ANKRD36C: variants seen among roughly 807,000 people sequenced by gnomAD.
ANKRD36C encodes ankyrin repeat domain 36C.
Under a neutral mutation model 276.4 loss-of-function variants are expected in ANKRD36C, and 61 were observed. The ratio of observed to expected loss-of-function variants is 0.22; its 90% CI spans 0.18 to 0.27. The LOEUF (loss-of-function observed/expected upper bound fraction) is 0.27. Among genes scored for constraint, ANKRD36C ranks in the 10% least tolerant of loss-of-function variants. ANKRD36C has a pLI of 1.00. For missense variants in ANKRD36C, 1,447 were observed against 2,032.3 expected, an observed-to-expected ratio of 0.71 and a Z score of 5.54; for synonymous variants, 483 against 680.1, an observed-to-expected ratio of 0.71 and a Z score of 4.51.
intron 6 of ANKRD36C, among the ~76,000 whole-genome samples, chr2:95,963,580 A>C (rs1469200091): frequency 7.5e-6 from 1 of 133,676 alleles, no homozygotes; most frequent in Non-Finnish European, 1.6e-5. Context: ...AAAGAGAAGT[A>C]ACGAGTCACT....
exon 63 of ANKRD36C, chr2:95,855,941 C>A: frequency 1.2e-6 from 2 of 1,613,388 alleles, no homozygotes; most frequent in East Asian, 2.2e-5. Flanking sequence ...TGTTTTCATC[C>A]GTCAGAGCAG....
intron 1 of ANKRD36C, among the ~76,000 whole-genome samples, chr2:95,988,417 T>C (rs1679076017): frequency 6.6e-6 from 1 of 150,680 alleles, no homozygotes; most frequent in Non-Finnish European, 1.5e-5. Context: ...AAAAAAGGAA[T>C]AAAAGATCCA....
intron 60 of ANKRD36C, among the ~76,000 whole-genome samples, chr2:95,866,581 T>C (rs1675686917): frequency 6.6e-6 from 1 of 151,922 alleles, no homozygotes. Context: ...CATAAGAATA[T>C]ACATAATACA....
At chr2:95,954,634 A>G (rs1305030101) in intron 13 of ANKRD36C, among the ~76,000 whole-genome samples, 1 of 152,126 alleles carries the variant, frequency 6.6e-6, no homozygotes, top group South Asian at 2.1e-4. Flanking sequence ...ATATGTTGTT[A>G]GATTGTTATT....
intron 12 of ANKRD36C, 51 bp downstream of exon 12, chr2:95,958,540 T>C: frequency 6.5e-7 from 1 of 1,537,470 alleles, no homozygotes; most frequent in Non-Finnish European, 8.7e-7. Context: ...GGAAGGGAAG[T>C]TCTCCTCTAT....
Position 95,939,115 on chromosome 2 carries a change from C to A in ANKRD36C, c.1532-100G>T, listed in dbSNP as rs1677803645. On this transcript the variant is annotated intron_variant, in intron 20 of 66. Transcript: ENST00000456556. Reference sequence around the variant, plus strand: ...TATCCAGCTGAAATCTTCGTGCTTGCCCTTGAAATTGTTACCCATTAGGCT... The same window carrying A: ...TATCCAGCTGAAATCTTCGTGCTTGACCTTGAAATTGTTACCCATTAGGCT... The A allele has an allele frequency of 5.4e-6, 8 of 1,470,664 alleles. No homozygotes were observed. The South Asian group carries it at 1.1e-4, about 21-fold the overall frequency. The allele number at this position is 1,470,664 out of a possible 1,614,324, so 91.1% of individuals were successfully genotyped here.
intron 42 of ANKRD36C, among the ~76,000 whole-genome samples, chr2:95,902,487 G>A (rs1676682764): frequency 6.6e-6 from 1 of 150,534 alleles, no homozygotes; most frequent in African/African-American, 2.4e-5. Context: ...TCCTAACAGT[G>A]TCTACGGGTT....
chr2:95,943,753 TA>T (rs1370655663), intron 19 of ANKRD36C, among the ~76,000 whole-genome samples: 4 of 151,950 alleles, frequency 2.6e-5, no homozygotes, highest in African/African-American at 9.7e-5. Context: ...TTGCATTATC[TA>T]TGAACACAGC....
At chr2:95,989,166 C>T (rs1212042016) in intron 1 of ANKRD36C, among the ~76,000 whole-genome samples, 1 of 151,892 alleles carries the variant, frequency 6.6e-6, no homozygotes, top group African/African-American at 2.4e-5. Flanking sequence ...GACTCCATCA[C>T]AAAAATAAAC....
At position 95,902,726 on chromosome 2, in the gene ANKRD36C, GCAT is replaced by G. The variant is rs542119161; in HGVS notation, c.2654-3393_2654-3391del. On this transcript the variant is annotated intron_variant, in intron 42 of 66. Transcript: ENST00000456556. ...ACTGCGAAGATCATGTTCCAGACCA[GCAT>G]CATCATCATCACCCACAAACTTATT... Among the ~76,000 whole-genome samples, 41 of 150,394 alleles carry G rather than the reference GCAT, an allele frequency of 2.7e-4. No homozygotes were observed. The South Asian group carries it at 8.4e-3, about 31-fold the overall frequency.
intron 46 of ANKRD36C, among the ~76,000 whole-genome samples, chr2:95,891,190 A>T (rs1455808173): frequency 6.6e-6 from 1 of 150,636 alleles, no homozygotes; most frequent in Non-Finnish European, 1.5e-5. Flanking sequence ...CTCTTTTTCC[A>T]CCTTCCTGCC....
At chr2:95,928,779 C>T (rs1677480605) in intron 26 of ANKRD36C, among the ~76,000 whole-genome samples, 1 of 151,418 alleles carries the variant, frequency 6.6e-6, no homozygotes, top group Non-Finnish European at 1.5e-5. Context: ...TGGAAACATG[C>T]TGTAAAATTA....
chr2:95,936,641 C>A (rs796606957), intron 22 of ANKRD36C, among the ~76,000 whole-genome samples: 1 of 142,392 alleles, frequency 7.0e-6, no homozygotes. Context: ...CATCAGAAAC[C>A]CCCAAACACC....
chr2:95,989,651 G>A (rs532469051), intron 1 of ANKRD36C, among the ~76,000 whole-genome samples: 3 of 152,036 alleles, frequency 2.0e-5, no homozygotes, highest in Admixed American at 2.0e-4. Flanking sequence ...CTATTTCCTA[G>A]AGATATTTTA....
Position 95,948,605 on chromosome 2 carries a change from C to CA in ANKRD36C, c.1296-10dup. 6.5e-7 allele frequency: 1 copy of CA among 1,532,884 alleles called. No homozygotes were observed. The allele number at this position is 1,532,884 out of a possible 1,614,324, so 95.0% of individuals were successfully genotyped here. ...CCAGTAGGTAGAGACACCTACAGAG[C>CA]AAAAAGATATGAAAAAAATGAGCAC... On this transcript the variant is annotated splice_polypyrimidine_tract_variant and intron_variant, in intron 16 of 66. Coordinates refer to ENST00000456556, the Ensembl canonical transcript of ANKRD36C.
In ANKRD36C at chr2:95,903,098, A is replaced by T; in HGVS notation, c.2654-3762T>A. On this transcript the variant is annotated intron_variant, in intron 42 of 66. Transcript: ENST00000456556. ...CTGAAGACACTGAAAAGTAAAAGGG[A>T]TTCATAATCACTCATATGTAAAAAT... 2 of 1,559,534 alleles carry T rather than the reference A, an allele frequency of 1.3e-6. No homozygotes were observed. The highest frequency in any genetic ancestry group is 1.7e-6 in the Non-Finnish European group (2 of 1,150,916).
At chr2:95,886,492 A>C (rs905118001) in intron 50 of ANKRD36C, among the ~76,000 whole-genome samples, 3 of 151,686 alleles carry the variant, frequency 2.0e-5, no homozygotes, top group Non-Finnish European at 3.0e-5. Flanking sequence ...TAAAACTAAA[A>C]TAAAAGTGTC....
Position 95,934,963 on chromosome 2 carries a change from C to T in ANKRD36C, c.1735+491G>A, listed in dbSNP as rs1194626328. Among the ~76,000 whole-genome samples the T allele has an allele frequency of 2.0e-5, 3 of 152,420 alleles. No individual in the cohort carries two copies. The East Asian group carries it at 5.8e-4, about 29-fold the overall frequency. On this transcript the variant is annotated intron_variant, in intron 24 of 66. Coordinates refer to ENST00000456556, the Ensembl canonical transcript of ANKRD36C. Reference sequence around the variant, plus strand: ...ACACACCCAAACTCACAAACAAAAGCACACACACACATACACATGCAGAAA... The same window carrying T: ...ACACACCCAAACTCACAAACAAAAGTACACACACACATACACATGCAGAAA...
chr2:95,964,542 T>C (rs1678547799), intron 6 of ANKRD36C, among the ~76,000 whole-genome samples: 1 of 152,112 alleles, frequency 6.6e-6, no homozygotes, highest in Non-Finnish European at 1.5e-5. Context: ...CTGACACATG[T>C]GAAGATAAGG....
Sources: allele counts gnomAD v4.1 joint callset (sites outside exome capture counted in the v4.1 genomes callset), GRCh38; gene constraint gnomAD v4.1.1; transcripts MANE v1.5; gene names NCBI Gene and HGNC (gene_info 2026-07-23, HGNC 2026-07-21).